Variants in DIAPH2 observed in about 807,000 individuals in gnomAD.
DIAPH2 encodes protein diaphanous homolog 2.
Under a neutral mutation model 92.7 loss-of-function variants are expected in DIAPH2, and 35 were observed. The ratio of observed to expected loss-of-function variants is 0.38; its 90% CI spans 0.29 to 0.50. The LOEUF (loss-of-function observed/expected upper bound fraction) is 0.50. DIAPH2 is among the 20% of genes least tolerant of loss of function. The pLI, the probability that DIAPH2 is intolerant of heterozygous loss-of-function variation, is 0.94. For synonymous variants in DIAPH2, 301 were observed against 280.4 expected (o/e 1.07, Z -0.73); for missense variants, 701 against 819.5 (o/e 0.86, Z 1.77).
chrX:97,054,788 A>G (rs1466530993), intron 17 of DIAPH2, among the ~76,000 whole-genome samples: 5 of 111,109 alleles, frequency 4.5e-5, no homozygotes, highest in African/African-American at 1.3e-4. Flanking sequence ...AGAAAAAATA[A>G]GGATAAGTAA....
At chrX:97,398,326 T>C (rs1050206572) in intron 25 of DIAPH2, among the ~76,000 whole-genome samples, 2 of 112,203 alleles carry the variant, frequency 1.8e-5, no homozygotes, top group African/African-American at 3.2e-5. Context: ...GAAATCGAGA[T>C]TGAGCTATAG....
chrX:97,223,643 A>G (rs916257582), intron 22 of DIAPH2, among the ~76,000 whole-genome samples: 1 of 111,188 alleles, frequency 9.0e-6, no homozygotes, highest in Non-Finnish European at 1.9e-5. Context: ...CTATATTTCT[A>G]ATTTCTAGGG....
At chrX:97,090,439 G>T (rs1246074057) in intron 19 of DIAPH2, among the ~76,000 whole-genome samples, 2 of 107,420 alleles carry the variant, frequency 1.9e-5, no homozygotes, top group Non-Finnish European at 3.8e-5. Context: ...GTGCCCCAGG[G>T]CTCACCGCCT....
chrX:96,829,655 G>A (rs1009700958), intron 4 of DIAPH2, among the ~76,000 whole-genome samples: 3 of 109,870 alleles, frequency 2.7e-5, no homozygotes, highest in Non-Finnish European at 5.7e-5. Context: ...CAAGATGCCC[G>A]GCTAATTTTT....
At chrX:97,512,523 AT>A (rs1216316506) in intron 26 of DIAPH2, among the ~76,000 whole-genome samples, 1 of 108,802 alleles carries the variant, frequency 9.2e-6, no homozygotes, top group African/African-American at 3.4e-5. Flanking sequence ...TTCTGCTCTG[AT>A]TTTAGTTATT....
chrX:97,002,591 A>G (rs988603752), intron 17 of DIAPH2, among the ~76,000 whole-genome samples: 1 of 111,435 alleles, frequency 9.0e-6, no homozygotes, highest in Non-Finnish European at 1.9e-5. Flanking sequence ...ATTATTAGTT[A>G]TGAGATAGAA....
chrX:97,010,280 A>G (rs776432387), intron 17 of DIAPH2, among the ~76,000 whole-genome samples: 49 of 108,085 alleles, frequency 4.5e-4, no homozygotes, highest in African/African-American at 1.4e-3. Context: ...CAAAGTGCAT[A>G]GAATCTGTCT....
At chrX:96,811,889 A>T (rs2064685401) in intron 4 of DIAPH2, among the ~76,000 whole-genome samples, 1 of 111,874 alleles carries the variant, frequency 8.9e-6, no homozygotes, top group South Asian at 3.7e-4. Context: ...CATGGTGGAT[A>T]AGCTTTTTGA....
chrX:96,877,751 G>A (rs1165756281), intron 4 of DIAPH2, among the ~76,000 whole-genome samples: 1 of 112,125 alleles, frequency 8.9e-6, no homozygotes, highest in Admixed American at 9.5e-5. Context: ...ATCAGAGCAA[G>A]GGGAATCTGT....
At chrX:97,153,791 A>T (rs780719603) in intron 22 of DIAPH2, among the ~76,000 whole-genome samples, 23 of 111,471 alleles carry the variant, frequency 2.1e-4, no homozygotes, top group Non-Finnish European at 3.6e-4. Context: ...CTAAGCTTTC[A>T]TGGAAGAATC....
At chrX:97,538,331 T>A (rs753784085) in intron 26 of DIAPH2, among the ~76,000 whole-genome samples, 120 of 112,024 alleles carry the variant, frequency 1.1e-3, no homozygotes, top group Middle Eastern at 9.4e-3. Context: ...TTGTACTAAA[T>A]TATTGAATAT....
At chrX:97,066,039 C>A (rs960341730) in intron 17 of DIAPH2, among the ~76,000 whole-genome samples, 2 of 110,116 alleles carry the variant, frequency 1.8e-5, no homozygotes, top group African/African-American at 3.4e-5. Flanking sequence ...TTAAAAAAAA[C>A]AAAAAGTTTA....
intron 23 of DIAPH2, among the ~76,000 whole-genome samples, chrX:97,297,165 A>G (rs1437228414): frequency 1.0e-5 from 1 of 95,848 alleles, no homozygotes; most frequent in Non-Finnish European, 2.0e-5. Context: ...TGGCCTCATT[A>G]GCACTATGAG....
chrX:97,153,411 C>T (rs2070544739), intron 22 of DIAPH2, among the ~76,000 whole-genome samples: 1 of 110,100 alleles, frequency 9.1e-6, no homozygotes, highest in Admixed American at 9.8e-5. Context: ...GGTGAAACCT[C>T]GTCTCTACTA....
At chrX:97,189,717 A>G (rs181062214) in intron 22 of DIAPH2, among the ~76,000 whole-genome samples, 106 of 112,491 alleles carry the variant, frequency 9.4e-4, no homozygotes, top group African/African-American at 3.4e-3. Flanking sequence ...GCCAAAAAGA[A>G]AAAGAAAACA....
At chrX:96,877,497 C>G (rs73543157) in intron 4 of DIAPH2, among the ~76,000 whole-genome samples, 264 of 111,659 alleles carry the variant, frequency 2.4e-3, no homozygotes, top group African/African-American at 8.3e-3. Flanking sequence ...TATGTGCATG[C>G]TGTATAGCTG....
intron 21 of DIAPH2, among the ~76,000 whole-genome samples, chrX:97,123,776 A>C (rs1398407553): frequency 8.9e-6 from 1 of 112,433 alleles, no homozygotes; most frequent in African/African-American, 3.2e-5. Flanking sequence ...ACAGACTATC[A>C]TGGCTCCTTG....
At chrX:97,301,150 C>CA (rs1220185711) in intron 23 of DIAPH2, among the ~76,000 whole-genome samples, 1,164 of 31,256 alleles carry the variant, frequency 0.037, 32 homozygotes, top group Admixed American at 0.081. Flanking sequence ...GACTCCGTCT[C>CA]AAAAAAAAAA....
In DIAPH2 at chrX:96,873,497, G is replaced by A. The variant is rs2065157332; in HGVS notation, c.448-8082G>A. Among the ~76,000 whole-genome samples, 4 of 110,002 alleles carry A rather than the reference G, an allele frequency of 3.6e-5. No homozygotes were observed. The South Asian group carries it at 1.6e-3, about 43-fold the overall frequency. ...TGGAGAATAGGTTAGTGGTTGCTGG[G>A]GTGGAGGGTTGTGGGAAGGAGATGG... On this transcript the variant is annotated intron_variant, in intron 4 of 26. Transcript: ENST00000324765.
Sources: allele counts gnomAD v4.1 joint callset (sites outside exome capture counted in the v4.1 genomes callset), GRCh38; gene constraint gnomAD v4.1.1; transcripts MANE v1.5; gene names NCBI Gene and HGNC (gene_info 2026-07-23, HGNC 2026-07-21).